The following NPAS3 variants were observed in gnomAD, a reference collection of about 807,000 sequenced individuals.
NPAS3 encodes the protein neuronal PAS domain-containing protein 3.
In NPAS3, 14 loss-of-function variants were observed where a neutral mutation model predicts 73.1. That is an observed-to-expected ratio of 0.19 (90% CI 0.13 to 0.30). The LOEUF (loss-of-function observed/expected upper bound fraction) is 0.30, where lower values mean the gene tolerates loss of function less well. Among genes scored for constraint, NPAS3 ranks in the 10% least tolerant of loss-of-function variants. The pLI is 1.00. For synonymous variants in NPAS3, 620 were observed against 541.5 expected (o/e 1.14, Z -2.01); for missense variants, 1,096 against 1,250.0 (o/e 0.88, Z 1.86).
chr14:33,767,539 G>A (rs2062502671), intron 7 of NPAS3, among the ~76,000 whole-genome samples: 3 of 149,932 alleles, frequency 2.0e-5, no homozygotes. Flanking sequence ...GGTAAATTTG[G>A]ATTCCCTTAA....
intron 2 of NPAS3, among the ~76,000 whole-genome samples, chr14:33,080,593 G>A (rs1396865239): frequency 6.6e-6 from 1 of 152,218 alleles, no homozygotes; most frequent in Non-Finnish European, 1.5e-5. Flanking sequence ...AGAAGAAAAT[G>A]AAACCTGAGT....
intron 9 of NPAS3, among the ~76,000 whole-genome samples, chr14:33,785,359 C>T (rs1005462703): frequency 1.7e-4 from 25 of 144,128 alleles, no homozygotes; most frequent in African/African-American, 5.2e-4. Context: ...GGTGTGAACC[C>T]GGGAGGTGGA....
In NPAS3 at chr14:33,220,782, A is replaced by C. The variant is rs1225913149; in HGVS notation, c.385+5356A>C. Among the ~76,000 whole-genome samples, 3 of 152,334 alleles carry C rather than the reference A, an allele frequency of 2.0e-5. No individual in the cohort carries two copies. In the South Asian group the frequency reaches 6.2e-4, roughly 32 times the overall value. On this transcript the variant is annotated intron_variant, in intron 3 of 11. Transcript: ENST00000356141. ...AAATATTATATATAGCATTGCTGGT[A>C]TCTTGCTGCATGCCACTGTTCAAGA...
At chr14:33,502,427 C>T (rs1414834004) in intron 4 of NPAS3, among the ~76,000 whole-genome samples, 1 of 151,920 alleles carries the variant, frequency 6.6e-6, no homozygotes, top group African/African-American at 2.4e-5. Flanking sequence ...CTGTGCTGCT[C>T]TTCGTTGGGG....
intron 3 of NPAS3, among the ~76,000 whole-genome samples, chr14:33,346,023 G>A (rs1394536773): frequency 1.3e-5 from 2 of 151,772 alleles, no homozygotes; most frequent in African/African-American, 4.8e-5. Context: ...ACAAGGTCAG[G>A]AGTTCGAGAC....
chr14:33,371,901 A>C (rs1455824429), intron 4 of NPAS3, among the ~76,000 whole-genome samples: 1 of 152,162 alleles, frequency 6.6e-6, no homozygotes, highest in Non-Finnish European at 1.5e-5. Flanking sequence ...GTGCATCTTA[A>C]AATTGAGTCA....
At chr14:33,417,177 G>A (rs2048181660) in intron 4 of NPAS3, among the ~76,000 whole-genome samples, 1 of 151,914 alleles carries the variant, frequency 6.6e-6, no homozygotes, top group Admixed American at 6.6e-5. Flanking sequence ...CTGCAACTAT[G>A]GAACATTGCC....
intron 8 of NPAS3, among the ~76,000 whole-genome samples, chr14:33,775,445 G>A (rs1446275212): frequency 1.3e-5 from 2 of 152,174 alleles, no homozygotes; most frequent in East Asian, 3.9e-4. Context: ...CTGAAGATCC[G>A]AATGGTCAAG....
At position 33,794,153 on chromosome 14, in the gene NPAS3, C is replaced by G. The variant is rs554810824; in HGVS notation, c.1301+109C>G. ...TTGTGAATATTATCTTTTGACAGTACCTGGTGTGGAATTTCATGGCAATTC... is the reference window on the plus strand; with the variant it reads ...TTGTGAATATTATCTTTTGACAGTAGCTGGTGTGGAATTTCATGGCAATTC... On this transcript the variant is annotated intron_variant, in intron 10 of 11. Coordinates refer to ENST00000356141, the Ensembl canonical transcript of NPAS3. 1.5e-5 allele frequency: 14 copies of G among 953,268 alleles called. No homozygotes were observed. In the African/African-American group the frequency reaches 2.0e-4, roughly 13 times the overall value. The allele number at this position is 953,268 out of a possible 1,614,324, so 59.1% of individuals were successfully genotyped here.
At chr14:33,509,739 C>A (rs1027064626) in intron 4 of NPAS3, among the ~76,000 whole-genome samples, 1 of 151,946 alleles carries the variant, frequency 6.6e-6, no homozygotes, top group Non-Finnish European at 1.5e-5. Context: ...GAACTAATGT[C>A]GGGAAACCTG....
intron 4 of NPAS3, among the ~76,000 whole-genome samples, chr14:33,426,484 G>C (rs2048559541): frequency 1.3e-5 from 2 of 152,066 alleles, no homozygotes; most frequent in Admixed American, 6.6e-5. Flanking sequence ...TGAGCTGCCT[G>C]GCTATGTCAC....
In NPAS3 at chr14:32,975,805, A is replaced by G. The variant is rs142722775; in HGVS notation, c.50+36439A>G. On this transcript the variant is annotated intron_variant, in intron 1 of 11. Coordinates refer to ENST00000356141, the Ensembl canonical transcript of NPAS3. ...GCTCTGCATGTTTTACAGCATTTCT[A>G]CCTCTTAAAGGTAATTTTCTTCCTT... Among the ~76,000 whole-genome samples the G allele has an allele frequency of 3.8e-4, 58 of 151,052 alleles. 1 individual carries two copies. The East Asian group carries it at 0.011, about 29-fold the overall frequency.
chr14:32,947,166 T>C (rs61045266), intron 1 of NPAS3, among the ~76,000 whole-genome samples: 1 of 152,310 alleles, frequency 6.6e-6, no homozygotes, highest in South Asian at 2.1e-4. Context: ...AAATTAATAT[T>C]GGATTAAGGG....
intron 5 of NPAS3, among the ~76,000 whole-genome samples, chr14:33,564,026 T>G (rs1316879281): frequency 6.6e-6 from 1 of 152,204 alleles, no homozygotes; most frequent in East Asian, 1.9e-4. Context: ...TGGCTTATAC[T>G]CTCCTCTTTC....
At chr14:33,471,472 T>C (rs754346656) in intron 4 of NPAS3, among the ~76,000 whole-genome samples, 42 of 152,136 alleles carry the variant, frequency 2.8e-4, no homozygotes, top group Non-Finnish European at 5.4e-4. Flanking sequence ...GGAGTCAGCA[T>C]TGGAGTGGGA....
intron 2 of NPAS3, among the ~76,000 whole-genome samples, chr14:33,098,051 C>T (rs2138865920): frequency 6.6e-6 from 1 of 151,924 alleles, no homozygotes; most frequent in African/African-American, 2.4e-5. Context: ...AATTTGTGTC[C>T]TATTTAAGAA....
At chr14:33,708,853 G>A (rs2060736340) in intron 6 of NPAS3, among the ~76,000 whole-genome samples, 1 of 152,184 alleles carries the variant, frequency 6.6e-6, no homozygotes, top group African/African-American at 2.4e-5. Flanking sequence ...TGTCCTGAGT[G>A]TGTGTGGGTC....
At chr14:33,448,794 C>T (rs10134359) in intron 4 of NPAS3, among the ~76,000 whole-genome samples, 127,718 of 152,154 alleles carry the variant, frequency 0.84, 53,842 homozygotes, top group East Asian at 0.97. Context: ...TCCAAATGTC[C>T]GTACAGATGT....
intron 11 of NPAS3, 150 bp from the exon 12 acceptor site, chr14:33,799,584 G>C (rs2063618719): frequency 2.7e-6 from 2 of 751,006 alleles, no homozygotes; most frequent in Admixed American, 5.7e-5. Flanking sequence ...GTCCTCTGAA[G>C]GTGATGGAGA....
Sources: allele counts gnomAD v4.1 joint callset (sites outside exome capture counted in the v4.1 genomes callset), GRCh38; gene constraint gnomAD v4.1.1; transcripts MANE v1.5; gene names NCBI Gene and HGNC (gene_info 2026-07-23, HGNC 2026-07-21).